TRAPPC9: variants seen among roughly 807,000 people sequenced by gnomAD.
TRAPPC9 encodes the protein IKK2 binding protein.
In TRAPPC9, 83 loss-of-function variants were observed where a neutral mutation model predicts 124.0. That is an observed-to-expected ratio of 0.67 (90% CI 0.56 to 0.80). The LOEUF is 0.80. TRAPPC9 is among the 30% of genes least tolerant of loss of function. The probability of loss-of-function intolerance (pLI) is 0.00; values close to 1 mark genes in which losing one functional copy is unlikely to be tolerated. For missense variants in TRAPPC9, 1,302 were observed against 1,508.3 expected, an observed-to-expected ratio of 0.86 and a Z score of 2.27; for synonymous variants, 638 against 617.5, an observed-to-expected ratio of 1.03 and a Z score of -0.49.
intron 9 of TRAPPC9, among the ~76,000 whole-genome samples, chr8:140,347,401 T>C (rs937859452): frequency 1.3e-5 from 2 of 152,226 alleles, no homozygotes; most frequent in African/African-American, 2.4e-5. Flanking sequence ...TATGTGTGCA[T>C]ATGTATGGAC....
intron 19 of TRAPPC9, among the ~76,000 whole-genome samples, chr8:139,955,212 C>G (rs1408704790): frequency 6.6e-6 from 1 of 152,082 alleles, no homozygotes; most frequent in East Asian, 1.9e-4. Context: ...CCCTCACCTC[C>G]CCGTTTCTGG....
At chr8:140,068,310 G>C (rs974730364) in intron 17 of TRAPPC9, among the ~76,000 whole-genome samples, 4 of 152,138 alleles carry the variant, frequency 2.6e-5, no homozygotes, top group Non-Finnish European at 4.4e-5. Context: ...GGCAAGGGAA[G>C]CAGCTCTGTT....
intron 12 of TRAPPC9, among the ~76,000 whole-genome samples, chr8:140,287,946 G>A (rs926415186): frequency 2.0e-5 from 3 of 152,118 alleles, no homozygotes; most frequent in East Asian, 1.9e-4. Context: ...GATAAACCAC[G>A]GATCCACTTG....
At position 140,446,622 on chromosome 8, in the gene TRAPPC9, C is replaced by T. The variant is rs186277237; in HGVS notation, c.584+4168G>A. Among the ~76,000 whole-genome samples, 6 of 152,164 alleles carry T rather than the reference C, an allele frequency of 3.9e-5. No individual in the cohort carries two copies. The East Asian group carries it at 9.6e-4, about 24-fold the overall frequency. ...AGGCTAGAGTGCAATGGCATGAGCT[C>T]GGCTCACTGCAACTTCTGCCTCCCA... On this transcript the variant is annotated intron_variant, in intron 2 of 22. Coordinates refer to ENST00000438773, the MANE Select transcript of TRAPPC9 (RefSeq NM_001160372.4).
intron 21 of TRAPPC9, among the ~76,000 whole-genome samples, chr8:139,772,451 G>A (rs967572635): frequency 2.6e-5 from 4 of 152,120 alleles, no homozygotes; most frequent in Non-Finnish European, 4.4e-5. Context: ...TCTAGCCATC[G>A]CCATGGCCAC....
At chr8:140,083,814 G>A (rs894071140) in intron 17 of TRAPPC9, among the ~76,000 whole-genome samples, 4 of 151,968 alleles carry the variant, frequency 2.6e-5, no homozygotes, top group Non-Finnish European at 4.4e-5. Context: ...TTACAGGCAC[G>A]GGCCACCACA....
At chr8:140,007,936 C>T (rs139250555) in intron 18 of TRAPPC9, among the ~76,000 whole-genome samples, 16 of 152,248 alleles carry the variant, frequency 1.1e-4, no homozygotes, top group Middle Eastern at 3.4e-3. Flanking sequence ...TGAGATCATT[C>T]GCTAGGAGAC....
intron 16 of TRAPPC9, among the ~76,000 whole-genome samples, chr8:140,242,778 CG>C: frequency 6.6e-6 from 1 of 152,194 alleles, no homozygotes; most frequent in African/African-American, 2.4e-5. Context: ...GAAGCAGAGT[CG>C]GGAACAGTCA....
chr8:140,328,178 C>T (rs1199044527), intron 9 of TRAPPC9, among the ~76,000 whole-genome samples: 3 of 152,156 alleles, frequency 2.0e-5, no homozygotes, highest in African/African-American at 7.2e-5. Context: ...TCGCTTGAAG[C>T]CAGGGAGCGG....
intron 21 of TRAPPC9, among the ~76,000 whole-genome samples, chr8:139,865,748 G>A (rs1587025895): frequency 6.6e-6 from 1 of 152,148 alleles, no homozygotes; most frequent in Non-Finnish European, 1.5e-5. Flanking sequence ...GAAGGTATCC[G>A]CACAGCAGAG....
At chr8:140,113,001 A>G (rs1219326809) in intron 17 of TRAPPC9, among the ~76,000 whole-genome samples, 2 of 152,146 alleles carry the variant, frequency 1.3e-5, no homozygotes, top group African/African-American at 2.4e-5. Context: ...CACTGCAGCC[A>G]GCCTAAATTC....
At chr8:140,269,828 G>A (rs563412097) in intron 15 of TRAPPC9, among the ~76,000 whole-genome samples, 1 of 152,168 alleles carries the variant, frequency 6.6e-6, no homozygotes, top group Non-Finnish European at 1.5e-5. Flanking sequence ...GTCGGGCACG[G>A]TCGCTCGTGC....
intron 21 of TRAPPC9, among the ~76,000 whole-genome samples, chr8:139,753,406 C>T (rs975474393): frequency 3.3e-5 from 5 of 152,210 alleles, no homozygotes; most frequent in Non-Finnish European, 5.9e-5. Flanking sequence ...CTATCCATCC[C>T]TCATCTTTCC....
At chr8:139,842,598 G>T (rs61330904) in intron 21 of TRAPPC9, among the ~76,000 whole-genome samples, 1 of 151,742 alleles carries the variant, frequency 6.6e-6, no homozygotes, top group Non-Finnish European at 1.5e-5. Flanking sequence ...CTTCGTGCCC[G>T]GGGCCATGAT....
intron 1 of TRAPPC9, among the ~76,000 whole-genome samples, chr8:140,452,354 A>C (rs1172613176): frequency 6.8e-6 from 1 of 147,640 alleles, no homozygotes; most frequent in Non-Finnish European, 1.5e-5. Context: ...AGGGAGGCAG[A>C]GCTTGCAGTG....
intron 5 of TRAPPC9, among the ~76,000 whole-genome samples, chr8:140,408,237 C>T (rs570151525): frequency 5.3e-5 from 8 of 152,104 alleles, no homozygotes; most frequent in African/African-American, 1.9e-4. Flanking sequence ...GGCTAAGACC[C>T]AGATGGGAGG....
intron 2 of TRAPPC9, among the ~76,000 whole-genome samples, chr8:140,444,800 T>C (rs1201882892): frequency 6.8e-6 from 1 of 147,076 alleles, no homozygotes; most frequent in African/African-American, 2.5e-5. Flanking sequence ...GAGGCGGAGG[T>C]TGCAGTGAGC....
At chr8:140,443,710 G>A (rs2071130215) in intron 2 of TRAPPC9, among the ~76,000 whole-genome samples, 1 of 152,120 alleles carries the variant, frequency 6.6e-6, no homozygotes, top group Non-Finnish European at 1.5e-5. Flanking sequence ...AGAACAGCCT[G>A]TCCAACATAG....
chr8:140,099,662 C>A, intron 17 of TRAPPC9: 1 of 149,390 alleles, frequency 6.7e-6, no homozygotes, highest in Non-Finnish European at 1.5e-5. Flanking sequence ...GCAAGGGAGA[C>A]ACCCAGCTAG....
Sources: allele counts gnomAD v4.1 joint callset (sites outside exome capture counted in the v4.1 genomes callset), GRCh38; gene constraint gnomAD v4.1.1; transcripts MANE v1.5; gene names NCBI Gene and HGNC (gene_info 2026-07-23, HGNC 2026-07-21).